The following NEBL variants were observed in gnomAD, a reference collection of about 807,000 sequenced individuals.
NEBL encodes the protein LIM and SH3 protein 2.
Under a neutral mutation model 140.2 loss-of-function variants are expected in NEBL, and 122 were observed. The observed-to-expected ratio is 0.87, with a 90% CI of 0.75 to 1.01. The LOEUF (loss-of-function observed/expected upper bound fraction) is 1.01. NEBL is among the 50% of genes least tolerant of loss of function. NEBL has a pLI of 0.00. For missense variants in NEBL, 1,365 were observed against 1,231.3 expected (o/e 1.11, Z -1.62); for synonymous variants, 436 against 398.9 (o/e 1.09, Z -1.11).
chr10:20,812,290 C>T (rs1838227047), intron 24 of NEBL, among the ~76,000 whole-genome samples: 1 of 152,030 alleles, frequency 6.6e-6, no homozygotes, highest in Admixed American at 6.6e-5. Flanking sequence ...CATATCTCTG[C>T]TGCTTCTTTG....
At chr10:20,907,515 T>A (rs1848142333) in intron 4 of NEBL, among the ~76,000 whole-genome samples, 2 of 152,162 alleles carry the variant, frequency 1.3e-5, no homozygotes, top group African/African-American at 4.8e-5. Flanking sequence ...TAGTGAAATA[T>A]CTTCCATCGA....
chr10:21,192,064 T>C (rs1841582826), intron 3 of NEBL, among the ~76,000 whole-genome samples: 1 of 152,368 alleles, frequency 6.6e-6, no homozygotes, highest in East Asian at 1.9e-4. Flanking sequence ...GGGTATCTTA[T>C]GGGTAATCCA....
chr10:20,822,123 A>G (rs1042914195), intron 19 of NEBL, among the ~76,000 whole-genome samples: 3 of 152,154 alleles, frequency 2.0e-5, no homozygotes, highest in Admixed American at 6.5e-5. Flanking sequence ...CACCCAACAA[A>G]TAACAGTTAT....
At chr10:21,051,693 TC>T (rs2131854150) in intron 2 of NEBL, among the ~76,000 whole-genome samples, 1 of 147,662 alleles carries the variant, frequency 6.8e-6, no homozygotes, top group Non-Finnish European at 1.5e-5. Context: ...TGGATTAAAT[TC>T]CCCAGTGAAA....
chr10:20,916,097 C>T (rs974791865), intron 4 of NEBL, among the ~76,000 whole-genome samples: 1 of 152,050 alleles, frequency 6.6e-6, no homozygotes, highest in Non-Finnish European at 1.5e-5. Context: ...AGAAGTAAAA[C>T]ACAATGAATC....
chr10:20,826,993 T>G (rs761721332), intron 17 of NEBL, among the ~76,000 whole-genome samples: 12 of 152,178 alleles, frequency 7.9e-5, no homozygotes, highest in Non-Finnish European at 1.8e-4. Flanking sequence ...AAGAAAATGT[T>G]AGCTCATCAT....
intron 9 of NEBL, among the ~76,000 whole-genome samples, chr10:20,854,397 G>A (rs1398319358): frequency 2.6e-5 from 4 of 152,120 alleles, no homozygotes; most frequent in African/African-American, 9.7e-5. Context: ...CCACAAGAGA[G>A]CTACCCTTTC....
At chr10:21,097,515 T>C (rs1042716663) in intron 2 of NEBL, among the ~76,000 whole-genome samples, 1 of 152,190 alleles carries the variant, frequency 6.6e-6, no homozygotes, top group African/African-American at 2.4e-5. Context: ...TTCTGTTTTC[T>C]ATAGCAATAG....
intron 2 of NEBL, among the ~76,000 whole-genome samples, chr10:21,107,149 C>G (rs1589240293): frequency 6.6e-6 from 1 of 152,212 alleles, no homozygotes; most frequent in Non-Finnish European, 1.5e-5. Flanking sequence ...ATGACTTCCT[C>G]TTTTCCTAAT....
chr10:20,851,901 A>T (rs1181047700), intron 10 of NEBL, among the ~76,000 whole-genome samples: 1 of 152,204 alleles, frequency 6.6e-6, no homozygotes, highest in Non-Finnish European at 1.5e-5. Context: ...GAAGGTGAGT[A>T]CGAAATTATT....
intron 2 of NEBL, among the ~76,000 whole-genome samples, chr10:21,026,617 C>T (rs1313951808): frequency 6.6e-6 from 1 of 152,160 alleles, no homozygotes; most frequent in Non-Finnish European, 1.5e-5. Flanking sequence ...TTTACCTAAC[C>T]ACTGTCACAT....
rs1445639223 is a variant in NEBL at position 21,000,438 on chromosome 10, CCAAA to C, written c.249+19675_249+19678del. On this transcript the variant is annotated intron_variant, in intron 3 of 6. Coordinates refer to the NEBL transcript ENST00000417816. The stretch of plus-strand genomic sequence containing the variant: ...CCCTGTCAAAAGTGACTTTTCCTGG[CCAAA>C]CAAATTTATCCCTCCCCATCTACAC... 4.1e-5 allele frequency among the ~76,000 whole-genome samples: 6 copies of C among 147,282 alleles called. No individual in the cohort carries two copies. In the East Asian group the frequency reaches 6.1e-4, roughly 15 times the overall value.
intron 4 of NEBL, among the ~76,000 whole-genome samples, chr10:20,936,039 C>A (rs1399129400): frequency 6.6e-6 from 1 of 152,158 alleles, no homozygotes. Context: ...AATTTGAAGA[C>A]TGGAAATACT....
chr10:20,824,409 A>T (rs1014804427), intron 18 of NEBL, among the ~76,000 whole-genome samples: 4 of 152,200 alleles, frequency 2.6e-5, no homozygotes, highest in Non-Finnish European at 5.9e-5. Flanking sequence ...AACAATGCCA[A>T]TATTAGTCCA....
At chr10:20,850,320 G>A (rs1044558959) in intron 11 of NEBL, 75 bp downstream of exon 11, 9 of 1,214,870 alleles carry the variant, frequency 7.4e-6, no homozygotes, top group Middle Eastern at 3.8e-4. Flanking sequence ...CAGACCCACT[G>A]AACATTCTGC....
chr10:20,937,666 G>A (rs1200416660), intron 4 of NEBL, among the ~76,000 whole-genome samples: 2 of 152,144 alleles, frequency 1.3e-5, no homozygotes, highest in African/African-American at 4.8e-5. Context: ...GATGCACAAG[G>A]GGTCAGGGAA....
intron 13 of NEBL, among the ~76,000 whole-genome samples, chr10:20,838,353 G>A (rs1441832555): frequency 6.6e-6 from 1 of 152,186 alleles, no homozygotes; most frequent in Admixed American, 6.5e-5. Flanking sequence ...TGCAGATGCA[G>A]TGGAAATAGC....
chr10:21,280,619 CT>C (rs554320752), intron 1 of NEBL, among the ~76,000 whole-genome samples: 58 of 98,112 alleles, frequency 5.9e-4, no homozygotes, highest in Middle Eastern at 8.1e-3. Context: ...TTTCTTTTTC[CT>C]TTTTTTTTTT....
upstream of NEBL, chr10:20,897,665 C>T: frequency 3.7e-6 from 2 of 534,370 alleles, no homozygotes; most frequent in East Asian, 1.5e-4. Context: ...AAAGCTTTCA[C>T]TGGAATGTCA....
Sources: allele counts gnomAD v4.1 joint callset (sites outside exome capture counted in the v4.1 genomes callset), GRCh38; gene constraint gnomAD v4.1.1; transcripts MANE v1.5; gene names NCBI Gene and HGNC (gene_info 2026-07-23, HGNC 2026-07-21).